Variants in CRACD observed in about 807,000 individuals in gnomAD.
CRACD encodes the protein capping protein-inhibiting regulator of actin dynamics.
A neutral mutation model predicts 106.8 loss-of-function variants in CRACD; 56 were observed. That is an observed-to-expected ratio of 0.52 (90% CI 0.42 to 0.66). The LOEUF is 0.66. Among genes scored for constraint, CRACD ranks in the 30% least tolerant of loss-of-function variants. The probability of loss-of-function intolerance (pLI) is 0.00; values close to 1 mark genes in which losing one functional copy is unlikely to be tolerated. For missense variants in CRACD, 1,730 were observed against 1,623.2 expected (o/e 1.07, Z -1.13); for synonymous variants, 754 against 670.8 (o/e 1.12, Z -1.92).
At chr4:56,225,214 C>T (rs1349128654) in intron 2 of CRACD, among the ~76,000 whole-genome samples, 1 of 152,302 alleles carries the variant, frequency 6.6e-6, no homozygotes, top group South Asian at 2.1e-4. Context: ...GCCTCAGCCT[C>T]CCGGAGTAGC....
At chr4:56,239,362 G>A (rs1740222272) in intron 2 of CRACD, among the ~76,000 whole-genome samples, 1 of 151,936 alleles carries the variant, frequency 6.6e-6, no homozygotes, top group Non-Finnish European at 1.5e-5. Flanking sequence ...ATGTCTATGG[G>A]AAGATAATTT....
intron 2 of CRACD, among the ~76,000 whole-genome samples, chr4:56,248,569 C>T (rs1740841631): frequency 6.8e-6 from 1 of 148,110 alleles, no homozygotes; most frequent in African/African-American, 2.5e-5. Context: ...ATTAACCTTA[C>T]CTATGTGTTT....
intron 2 of CRACD, among the ~76,000 whole-genome samples, chr4:56,214,994 C>T (rs1738608021): frequency 1.3e-5 from 2 of 151,790 alleles, no homozygotes; most frequent in African/African-American, 4.8e-5. Flanking sequence ...TGCAAGACTC[C>T]ATCTCAAAGA....
chr4:56,271,466 G>A (rs1258694898), intron 2 of CRACD, among the ~76,000 whole-genome samples: 1 of 152,082 alleles, frequency 6.6e-6, no homozygotes, highest in East Asian at 1.9e-4. Flanking sequence ...GGGAATTAGG[G>A]GGCAAAGCTT....
At position 56,066,234 on chromosome 4, in the gene CRACD, G is replaced by A. The variant is rs187523392; in HGVS notation, c.-336+16935G>A. On this transcript the variant is annotated intron_variant, in intron 1 of 10. Coordinates refer to ENST00000682029, the MANE Select transcript of CRACD (RefSeq NM_001393381.1). ...CGTAACACCCCCAGGCAGCCACTGCGTTGGTTAGTTTTGAATACCCCAGCA... is the reference window on the plus strand; with the variant it reads ...CGTAACACCCCCAGGCAGCCACTGCATTGGTTAGTTTTGAATACCCCAGCA... Among the ~76,000 whole-genome samples, 88 of 145,304 alleles carry A rather than the reference G, an allele frequency of 6.1e-4. 4 individuals are homozygous for A. Among genetic ancestry groups the A allele is most frequent in the South Asian group, 3.5e-3 (16 of 4,626 alleles).
At chr4:56,135,431 C>T (rs1229132636) in intron 1 of CRACD, among the ~76,000 whole-genome samples, 4 of 152,120 alleles carry the variant, frequency 2.6e-5, no homozygotes, top group Non-Finnish European at 5.9e-5. Context: ...GGGACTAGGC[C>T]AGGTGGCATG....
chr4:56,251,829 G>A (rs1741070113), intron 2 of CRACD, among the ~76,000 whole-genome samples: 1 of 152,196 alleles, frequency 6.6e-6, no homozygotes, highest in African/African-American at 2.4e-5. Flanking sequence ...GCAATGGAGT[G>A]TAGATAAATC....
At chr4:56,134,384 T>C (rs1186898823) in intron 1 of CRACD, among the ~76,000 whole-genome samples, 1 of 152,160 alleles carries the variant, frequency 6.6e-6, no homozygotes, top group African/African-American at 2.4e-5. Flanking sequence ...GGAATGTGGC[T>C]TGGACCCAAG....
intron 2 of CRACD, among the ~76,000 whole-genome samples, chr4:56,205,274 T>C (rs1470400137): frequency 6.6e-6 from 1 of 152,114 alleles, no homozygotes; most frequent in Non-Finnish European, 1.5e-5. Context: ...ATGCTGTTCA[T>C]ATGGGTCCTT....
chr4:56,201,756 G>A (rs1253616526), intron 2 of CRACD, among the ~76,000 whole-genome samples: 1 of 152,150 alleles, frequency 6.6e-6, no homozygotes, highest in Non-Finnish European at 1.5e-5. Context: ...AAGGATTTTG[G>A]CAAGTGGATA....
chr4:56,178,055 G>T (rs1048592614), intron 1 of CRACD, among the ~76,000 whole-genome samples: 3 of 152,006 alleles, frequency 2.0e-5, no homozygotes, highest in Non-Finnish European at 4.4e-5. Flanking sequence ...TTTGGGTTTG[G>T]TTTTTTCTTG....
intron 1 of CRACD, among the ~76,000 whole-genome samples, chr4:56,171,574 G>A (rs1443281850): frequency 1.3e-5 from 2 of 152,168 alleles, no homozygotes; most frequent in Non-Finnish European, 2.9e-5. Context: ...ATCAAGGTAA[G>A]GTGGGGGGTA....
intron 1 of CRACD, among the ~76,000 whole-genome samples, chr4:56,090,318 T>C (rs752751377): frequency 1.3e-5 from 2 of 152,164 alleles, no homozygotes; most frequent in Non-Finnish European, 1.5e-5. Context: ...AGGAATCTCC[T>C]CTTATACCCA....
chr4:56,324,701 C>T (rs1287308735), intron 10 of CRACD, among the ~76,000 whole-genome samples: 3 of 152,158 alleles, frequency 2.0e-5, no homozygotes, highest in Non-Finnish European at 2.9e-5. Flanking sequence ...ACAGAAGAAC[C>T]TTCTAAACAA....
At chr4:56,263,579 G>A (rs1414425322) in intron 2 of CRACD, among the ~76,000 whole-genome samples, 1 of 152,042 alleles carries the variant, frequency 6.6e-6, no homozygotes, top group Admixed American at 6.6e-5. Context: ...CCTCTTATGA[G>A]AGAACCTGTT....
intron 2 of CRACD, among the ~76,000 whole-genome samples, chr4:56,226,745 G>A (rs752045191): frequency 6.6e-6 from 1 of 151,984 alleles, no homozygotes; most frequent in Non-Finnish European, 1.5e-5. Flanking sequence ...GGGAAGGTGA[G>A]TGAGTTCGCT....
chr4:56,079,359 C>T (rs1732948803), intron 1 of CRACD, among the ~76,000 whole-genome samples: 2 of 151,684 alleles, frequency 1.3e-5, no homozygotes, highest in Non-Finnish European at 2.9e-5. Flanking sequence ...AATCATCATT[C>T]TGTATTTTTT....
intron 1 of CRACD, among the ~76,000 whole-genome samples, chr4:56,103,571 G>A (rs1374942799): frequency 6.6e-6 from 1 of 152,148 alleles, no homozygotes; most frequent in Non-Finnish European, 1.5e-5. Flanking sequence ...ACTTTTACTT[G>A]CACAAGACAA....
chr4:56,127,313 CGG>C (rs1734690525), intron 1 of CRACD, among the ~76,000 whole-genome samples: 5 of 152,172 alleles, frequency 3.3e-5, no homozygotes, highest in Non-Finnish European at 7.3e-5. Context: ...GCAGCACAAA[CGG>C]ACTAAGACAC....
Sources: gnomAD v4.1 joint callset for allele counts (sites outside exome capture counted in the v4.1 genomes callset) on GRCh38, gnomAD v4.1.1 for gene constraint, MANE v1.5 for transcripts, NCBI Gene and HGNC (gene_info 2026-07-23, HGNC 2026-07-21) for gene names.